Variants in R3HDM2 observed in about 807,000 individuals in gnomAD.
R3HDM2 encodes R3H domain containing 2, also known as R3H domain-containing protein 2.
In R3HDM2, 38 loss-of-function variants were observed where a neutral mutation model predicts 124.5. The ratio of observed to expected loss-of-function variants is 0.31; its 90% confidence interval spans 0.24 to 0.40. The LOEUF (loss-of-function observed/expected upper bound fraction) is 0.40, where lower values mean the gene tolerates loss of function less well. R3HDM2 is among the 10% of genes least tolerant of loss of function. The pLI is 1.00. For missense variants in R3HDM2, 869 were observed against 1,236.9 expected (o/e 0.70, Z 4.46); for synonymous variants, 391 against 448.0 (o/e 0.87, Z 1.61).
chr12:57,312,955 A>G (rs1046337675), intron 2 of R3HDM2, among the ~76,000 whole-genome samples: 19 of 150,458 alleles, frequency 1.3e-4, no homozygotes, highest in Non-Finnish European at 2.4e-4. Flanking sequence ...AAAAAAAGTC[A>G]TATAGTTGAA....
intron 19 of R3HDM2, among the ~76,000 whole-genome samples, chr12:57,264,393 TAAA>T (rs55891769): frequency 1.2e-4 from 12 of 102,532 alleles, no homozygotes; most frequent in Admixed American, 4.3e-4. Context: ...CTGCCTCTAC[TAAA>T]AAAAAAAAAA....
At chr12:57,427,554 T>C (rs891668793) in intron 1 of R3HDM2, among the ~76,000 whole-genome samples, 1 of 151,058 alleles carries the variant, frequency 6.6e-6, no homozygotes, top group Non-Finnish European at 1.5e-5. Flanking sequence ...TTCACCATGT[T>C]GGCCAGGCTG....
chr12:57,349,379 CAAAAAAAAAAAAAA>C lies in R3HDM2; in HGVS notation c.-35-38930_-35-38917del, dbSNP rs1161831845. ...TGCCGACAGAGCGAGACTCCGTCTC[CAAAAAAAAAAAAAA>C]AAAAAAAAAAAAAAGAAAAGAAAAT... On this transcript the variant is annotated intron_variant, in intron 2 of 23. Transcript: ENST00000402412. Among the ~76,000 whole-genome samples the C allele has an allele frequency of 2.3e-4, 13 of 57,746 alleles. No individual in the cohort carries two copies. The South Asian group carries it at 3.8e-3, about 17-fold the overall frequency. 37.9% of individuals were successfully genotyped at this position (57,746 alleles called of 152,430 possible).
intron 10 of R3HDM2, among the ~76,000 whole-genome samples, chr12:57,294,218 A>G (rs889892765): frequency 1.3e-5 from 2 of 152,168 alleles, no homozygotes; most frequent in African/African-American, 2.4e-5. Context: ...TCACAGACAG[A>G]AAGTACACAG....
chr12:57,425,814 T>G (rs1366289803), intron 1 of R3HDM2, among the ~76,000 whole-genome samples: 2 of 151,994 alleles, frequency 1.3e-5, no homozygotes, highest in African/African-American at 2.4e-5. Context: ...AAACGCACAC[T>G]TCACTCCCTT....
intron 2 of R3HDM2, among the ~76,000 whole-genome samples, chr12:57,376,753 C>G (rs2064117135): frequency 1.3e-5 from 2 of 151,896 alleles, no homozygotes; most frequent in Non-Finnish European, 2.9e-5. Context: ...AGTTTGACAC[C>G]AGCCTGGCCA....
At chr12:57,373,981 A>G (rs540611515) in intron 2 of R3HDM2, among the ~76,000 whole-genome samples, 1 of 150,646 alleles carries the variant, frequency 6.6e-6, no homozygotes, top group African/African-American at 2.4e-5. Flanking sequence ...CACAAAAATC[A>G]GCTGGGGGTG....
intron 6 of R3HDM2, among the ~76,000 whole-genome samples, chr12:57,298,662 TAA>T (rs750641295): frequency 1.4e-5 from 2 of 141,640 alleles, no homozygotes; most frequent in Non-Finnish European, 1.5e-5. Context: ...TCTGCATTAT[TAA>T]AAAAAAAAAA....
intron 2 of R3HDM2, among the ~76,000 whole-genome samples, chr12:57,354,536 C>T (rs534521187): frequency 6.6e-6 from 1 of 150,792 alleles, no homozygotes; most frequent in African/African-American, 2.4e-5. Flanking sequence ...TCAAGTGATT[C>T]GCCTGCCTCA....
At chr12:57,297,529 T>C in intron 7 of R3HDM2, 142 bp from the exon 8 acceptor site, 1 of 544,298 alleles carries the variant, frequency 1.8e-6, no homozygotes, top group Non-Finnish European at 3.2e-6. Context: ...TGAACCATAA[T>C]GCTGCTAAGC....
intron 2 of R3HDM2, among the ~76,000 whole-genome samples, chr12:57,316,647 G>A (rs2055095099): frequency 1.4e-5 from 2 of 146,846 alleles, no homozygotes. Context: ...GTACGGTGGT[G>A]AGATCTTGGC....
intron 2 of R3HDM2, among the ~76,000 whole-genome samples, chr12:57,359,944 A>C (rs2061683246): frequency 6.7e-6 from 1 of 149,928 alleles, no homozygotes. Flanking sequence ...TTCTTGAACA[A>C]TACAGGCTTG....
intron 2 of R3HDM2, among the ~76,000 whole-genome samples, chr12:57,375,412 AATCAGATGAAT>A (rs1441032168): frequency 3.3e-5 from 5 of 152,182 alleles, no homozygotes; most frequent in African/African-American, 1.2e-4. Flanking sequence ...ACCAACATAT[AATCAGATGAAT>A]ATCAGATGAA....
rs532255428 is a variant in R3HDM2, at chr12:57,431,037, A to C, written c.-423T>G. ...CCGCCCCCCGCTGCGGCTGCGCGCT[A>C]CGTCACTACGTCCGGCGTTGTCGTC... On this transcript the variant is annotated 5_prime_UTR_variant, in exon 1 of 24. Transcript: ENST00000402412. 48 of 152,576 alleles carry C rather than the reference A, an allele frequency of 3.1e-4. No homozygotes were observed. Among genetic ancestry groups the C allele is most frequent in the African/African-American group, 1.1e-3 (47 of 41,582 alleles). The allele number at this position is 152,576 out of a possible 1,614,324, so 9.5% of individuals were successfully genotyped here. A position where few individuals can be genotyped will look rare whatever the true frequency, so the allele number is the denominator to read the frequency against.
intron 17 of R3HDM2, 86 bp downstream of exon 17, chr12:57,268,836 G>A: frequency 6.8e-7 from 1 of 1,476,426 alleles, no homozygotes; most frequent in Non-Finnish European, 9.1e-7. Flanking sequence ...TAGTATTGGA[G>A]TTTTTAGTAT....
In R3HDM2 at chr12:57,329,324, T is replaced by A. The variant is rs536744574; in HGVS notation, c.-35-18861A>T. Among the ~76,000 whole-genome samples the A allele has an allele frequency of 2.8e-4, 43 of 152,274 alleles. No individual in the cohort carries two copies. In the South Asian group the frequency reaches 7.4e-3, roughly 26 times the overall value. ...GAGACAACAATCATGTTATAGTACA[T>A]AAGAACAGTAGATAAGATTGTGGAC... On this transcript the variant is annotated intron_variant, in intron 2 of 23. Coordinates refer to ENST00000402412, the MANE Select transcript of R3HDM2 (RefSeq NM_001394031.1).
At chr12:57,319,334 C>G (rs867761312) in intron 2 of R3HDM2, among the ~76,000 whole-genome samples, 1 of 152,172 alleles carries the variant, frequency 6.6e-6, no homozygotes, top group African/African-American at 2.4e-5. Flanking sequence ...CTACGCCCAG[C>G]CTTAGCTCCA....
intron 2 of R3HDM2, among the ~76,000 whole-genome samples, chr12:57,370,203 A>G (rs2063151353): frequency 6.6e-6 from 1 of 151,998 alleles, no homozygotes; most frequent in South Asian, 2.1e-4. Flanking sequence ...TTCTCACAAG[A>G]TCTGATGGTT....
chr12:57,361,998 T>C (rs2062017757), intron 2 of R3HDM2, among the ~76,000 whole-genome samples: 1 of 152,040 alleles, frequency 6.6e-6, no homozygotes. Context: ...CCATGCGCGG[T>C]GGAGCAGGCC....
Sources: gnomAD v4.1 joint callset for allele counts (sites outside exome capture counted in the v4.1 genomes callset) on GRCh38, gnomAD v4.1.1 for gene constraint, MANE v1.5 for transcripts, NCBI Gene and HGNC (gene_info 2026-07-23, HGNC 2026-07-21) for gene names.